IQGAP1: variants seen among roughly 807,000 people sequenced by gnomAD.
IQGAP1 encodes ras GTPase-activating-like protein IQGAP1.
A neutral mutation model predicts 215.6 loss-of-function variants in IQGAP1; 66 were observed. The ratio of observed to expected loss-of-function variants is 0.31; its 90% confidence interval spans 0.25 to 0.38. The LOEUF is 0.38. Ranked by LOEUF, IQGAP1 falls within the 10% of genes least tolerant of loss-of-function variation. The pLI is 1.00. For synonymous variants in IQGAP1, 772 were observed against 728.7 expected, an observed-to-expected ratio of 1.06 and a Z score of -0.96; for missense variants, 1,712 against 1,997.1, an observed-to-expected ratio of 0.86 and a Z score of 2.72.
At position 90,422,662 on chromosome 15, in the gene IQGAP1, A is replaced by G. The variant is rs772597474; in HGVS notation, c.156-3448A>G. On this transcript the variant is annotated intron_variant, in intron 2 of 37. Transcript: ENST00000268182. ...TATGTATATGTATATATATATATGT[A>G]TATATATATATATATATAATTTTTG... Among the ~76,000 whole-genome samples, 115 of 73,112 alleles carry G rather than the reference A, an allele frequency of 1.6e-3. 2 individuals are homozygous for G. The highest frequency in any genetic ancestry group is 3.5e-3 in the African/African-American group (41 of 11,782). 48.0% of individuals were successfully genotyped at this position (73,112 alleles called of 152,430 possible).
rs537717324 is a variant in IQGAP1, at chr15:90,390,500, T to G, written c.56-274T>G. 5.9e-5 allele frequency among the ~76,000 whole-genome samples: 9 copies of G among 152,384 alleles called. 1 individual carries two copies. The South Asian group carries it at 1.9e-3, about 32-fold the overall frequency. On this transcript the variant is annotated intron_variant, in intron 1 of 37. Coordinates refer to ENST00000268182, the MANE Select transcript of IQGAP1 (RefSeq NM_003870.4). Reference sequence around the variant, plus strand: ...GAGTTCTGGCAGATAGGGACAGATTTGTGCCAAAATCTCAAGACAGTATTT... The same window carrying G: ...GAGTTCTGGCAGATAGGGACAGATTGGTGCCAAAATCTCAAGACAGTATTT...
intron 19 of IQGAP1, among the ~76,000 whole-genome samples, chr15:90,473,358 C>T (rs1965931782): frequency 6.6e-6 from 1 of 152,220 alleles, no homozygotes; most frequent in East Asian, 1.9e-4. Context: ...GGCTGCACTA[C>T]TGCCAGACAG....
At chr15:90,427,217 G>A (rs1965235938) in intron 3 of IQGAP1, among the ~76,000 whole-genome samples, 1 of 151,890 alleles carries the variant, frequency 6.6e-6, no homozygotes, top group Non-Finnish European at 1.5e-5. Context: ...AGTTAGTATT[G>A]CGCCACTGCA....
At chr15:90,428,787 GC>G (rs1567123177) in intron 3 of IQGAP1, among the ~76,000 whole-genome samples, 1 of 152,016 alleles carries the variant, frequency 6.6e-6, no homozygotes, top group African/African-American at 2.4e-5. Context: ...ACAAAGTGGA[GC>G]CCTGTTTCAA....
At chr15:90,392,462 G>C (rs1465628329) in intron 2 of IQGAP1, among the ~76,000 whole-genome samples, 1 of 152,236 alleles carries the variant, frequency 6.6e-6, no homozygotes, top group Non-Finnish European at 1.5e-5. Context: ...CTTGTGCTCT[G>C]TGGAGCTTTG....
At chr15:90,450,818 T>G (rs370539138) in intron 11 of IQGAP1, among the ~76,000 whole-genome samples, 1 of 151,094 alleles carries the variant, frequency 6.6e-6, no homozygotes, top group South Asian at 2.1e-4. Context: ...TTTTTTTGTT[T>G]TTTTTTTTTT....
intron 24 of IQGAP1, 48 bp from the exon 25 acceptor site, chr15:90,477,019 C>A: frequency 6.5e-7 from 1 of 1,550,366 alleles, no homozygotes; most frequent in Non-Finnish European, 8.8e-7. Flanking sequence ...TATATCTTGC[C>A]AGCCTTTATA....
chr15:90,469,300 T>C (rs1447345078), intron 18 of IQGAP1, among the ~76,000 whole-genome samples: 1 of 152,248 alleles, frequency 6.6e-6, no homozygotes, highest in Non-Finnish European at 1.5e-5. Context: ...AAAGGTCATT[T>C]ACTTCCCTTT....
rs1186307637 is a variant in IQGAP1, at chr15:90,426,240, T to C, written c.286T>C (p.Tyr96His). 2 of 1,603,574 alleles carry C rather than the reference T, an allele frequency of 1.2e-6. No individual in the cohort carries two copies. The highest frequency in any genetic ancestry group is 2.3e-5 in the East Asian group (1 of 44,280). The change falls in exon 3 of 38, where the codon TAT becomes CAT. Residue 96 changes from tyrosine to histidine, a missense_variant. Tyr to His is a moderately conservative substitution (Grantham distance 83, BLOSUM62 2). Transcript: ENST00000268182. ...CAAAGTAGTGTCCCTGAAAAAAATC[T>C]ATGATCGAGAACAGACCAGATACAA... ...SPKVVSLKKI[Y>H]DREQTRYKAT...
chr15:90,472,352 C>T (rs908452872), intron 18 of IQGAP1, among the ~76,000 whole-genome samples: 3 of 152,196 alleles, frequency 2.0e-5, no homozygotes, highest in Non-Finnish European at 2.9e-5. Context: ...TCTTTAGTAA[C>T]AGTCCAAACC....
At chr15:90,449,677 T>C in intron 11 of IQGAP1, 34 bp downstream of exon 11, 1 of 1,543,560 alleles carries the variant, frequency 6.5e-7, no homozygotes. Flanking sequence ...GGGAGGAAAG[T>C]TGTGGCTTTG....
intron 4 of IQGAP1, among the ~76,000 whole-genome samples, chr15:90,433,249 T>C (rs1056784442): frequency 6.6e-6 from 1 of 152,214 alleles, no homozygotes; most frequent in Non-Finnish European, 1.5e-5. Context: ...AATGTCTAAA[T>C]GTAGCAGGTT....
At chr15:90,484,412 G>C (rs961219373) in intron 30 of IQGAP1, 60 bp downstream of exon 30, 9 of 1,411,098 alleles carry the variant, frequency 6.4e-6, no homozygotes, top group African/African-American at 1.4e-5. Context: ...CCTGGCTGCT[G>C]CTTATCATCT....
chr15:90,496,332 T>G (rs1966273873), intron 36 of IQGAP1, among the ~76,000 whole-genome samples: 1 of 105,148 alleles, frequency 9.5e-6, no homozygotes, highest in Non-Finnish European at 1.9e-5. Flanking sequence ...TTTTTTTTTT[T>G]TTTGAGACGG....
Position 90,448,589 on chromosome 15 carries a change from A to G in IQGAP1, c.930A>G (p.Ala310=), listed in dbSNP as rs1965556458. The change falls in exon 10 of 38, where the codon GCA becomes GCG. Residue 310 remains alanine (A), a synonymous_variant. Transcript: ENST00000268182. ...TTTCCTCAGCATTTTCTGCATTAGCAAATATCGACCTGGCTTTAGAACAAG... is the reference window on the plus strand; with the variant it reads ...TTTCCTCAGCATTTTCTGCATTAGCGAATATCGACCTGGCTTTAGAACAAG... ...INKVNTFSAL[A]NIDLALEQGD... is the part of the protein sequence containing the mutation. The G allele has an allele frequency of 3.1e-6, 5 of 1,591,156 alleles. No homozygotes were observed. Among genetic ancestry groups the G allele is most frequent in the Non-Finnish European group, 4.3e-6 (5 of 1,169,146 alleles).
At chr15:90,397,387 T>C (rs1411782640) in intron 2 of IQGAP1, among the ~76,000 whole-genome samples, 2 of 152,172 alleles carry the variant, frequency 1.3e-5, no homozygotes, top group Non-Finnish European at 2.9e-5. Flanking sequence ...GTTTTGCAAG[T>C]TGCTTAACGT....
intron 26 of IQGAP1, among the ~76,000 whole-genome samples, chr15:90,479,074 G>T (rs572441084): frequency 6.6e-6 from 1 of 152,294 alleles, no homozygotes; most frequent in South Asian, 2.1e-4. Context: ...GTCTGTTGTG[G>T]TTTTTTCTTG....
At chr15:90,485,185 A>G (rs561901182) in intron 30 of IQGAP1, among the ~76,000 whole-genome samples, 2 of 152,334 alleles carry the variant, frequency 1.3e-5, no homozygotes, top group Admixed American at 6.5e-5. Flanking sequence ...GTTAAAATGT[A>G]AATGAAATTT....
chr15:90,462,287 G>C (rs1421864561), intron 15 of IQGAP1, among the ~76,000 whole-genome samples: 1 of 152,234 alleles, frequency 6.6e-6, no homozygotes, highest in Non-Finnish European at 1.5e-5. Context: ...AGCTGTACCA[G>C]TTGTTAGGAC....
Sources: allele counts gnomAD v4.1 joint callset (sites outside exome capture counted in the v4.1 genomes callset), GRCh38; gene constraint gnomAD v4.1.1; transcripts MANE v1.5; gene names NCBI Gene and HGNC (gene_info 2026-07-23, HGNC 2026-07-21).